DPP10: variants seen among roughly 807,000 people sequenced by gnomAD.
The protein encoded by DPP10 is inactive dipeptidyl peptidase 10.
Under a neutral mutation model 120.9 loss-of-function variants are expected in DPP10, and 33 were observed. That is an observed-to-expected ratio of 0.27 (90% CI 0.21 to 0.37). DPP10 has a LOEUF of 0.37. Among genes scored for constraint, DPP10 ranks in the 10% least tolerant of loss-of-function variants. DPP10 has a pLI of 1.00. For missense variants in DPP10, 816 were observed against 942.8 expected (o/e 0.87, Z 1.76); for synonymous variants, 337 against 326.1 (o/e 1.03, Z -0.36).
At chr2:114,695,661 T>G (rs1700028329) in intron 1 of DPP10, among the ~76,000 whole-genome samples, 2 of 152,092 alleles carry the variant, frequency 1.3e-5, no homozygotes, top group African/African-American at 4.8e-5. Context: ...AGCAATTCCC[T>G]TTTATCTTGC....
intron 3 of DPP10, among the ~76,000 whole-genome samples, chr2:115,486,875 C>T (rs1403927770): frequency 6.6e-6 from 1 of 152,062 alleles, no homozygotes; most frequent in African/African-American, 2.4e-5. Context: ...ATCAACTGCT[C>T]CATTATCTAG....
intron 5 of DPP10, among the ~76,000 whole-genome samples, chr2:115,633,679 A>G (rs1028640494): frequency 2.0e-5 from 3 of 152,282 alleles, no homozygotes; most frequent in Non-Finnish European, 2.9e-5. Context: ...TTCCCTTTAT[A>G]GGTGACCTGA....
intron 1 of DPP10, among the ~76,000 whole-genome samples, chr2:114,708,888 T>A (rs909035660): frequency 1.3e-5 from 2 of 152,184 alleles, no homozygotes; most frequent in African/African-American, 4.8e-5. Flanking sequence ...TCTGAACAGC[T>A]GGGACTACAG....
intron 1 of DPP10, among the ~76,000 whole-genome samples, chr2:114,841,676 T>A (rs1688169095): frequency 6.6e-6 from 1 of 152,114 alleles, no homozygotes. Flanking sequence ...GCAAGTTTTA[T>A]GGTAGACAGA....
At chr2:115,333,416 C>A (rs1390270766) in intron 2 of DPP10, among the ~76,000 whole-genome samples, 1 of 152,080 alleles carries the variant, frequency 6.6e-6, no homozygotes, top group Admixed American at 6.6e-5. Flanking sequence ...GCATTTGGCC[C>A]ATTTACATTT....
intron 1 of DPP10, among the ~76,000 whole-genome samples, chr2:115,190,155 T>C (rs535895037): frequency 1.3e-5 from 2 of 152,348 alleles, no homozygotes; most frequent in East Asian, 1.9e-4. Context: ...AATAAACCAC[T>C]GTTGGTAGTA....
In DPP10 at chr2:115,746,199, T is replaced by C; in HGVS notation, c.950+16T>C. ...TTAAATCAAGGTATGCAATTTCAAT[T>C]TCACTTTTATGGGGAAATAGATATT... On this transcript the variant is annotated intron_variant, in intron 10 of 25. Coordinates refer to ENST00000410059, the MANE Select transcript of DPP10 (RefSeq NM_020868.6). 1 of 1,586,154 alleles carries C rather than the reference T, an allele frequency of 6.3e-7. No homozygotes were observed. The highest frequency in any genetic ancestry group is 8.6e-7 in the Non-Finnish European group (1 of 1,157,116).
At chr2:114,522,692 A>T (rs184024659) in intron 1 of DPP10, among the ~76,000 whole-genome samples, 2 of 152,292 alleles carry the variant, frequency 1.3e-5, no homozygotes, top group Admixed American at 1.3e-4. Flanking sequence ...AGCTGCTGAT[A>T]AAGACATAAC....
intron 19 of DPP10, among the ~76,000 whole-genome samples, chr2:115,800,488 T>C (rs1685079724): frequency 6.6e-6 from 1 of 152,192 alleles, no homozygotes; most frequent in Non-Finnish European, 1.5e-5. Context: ...GCTTTTGGTA[T>C]TTTAGACATG....
At chr2:114,879,366 T>C (rs1672620281) in intron 1 of DPP10, among the ~76,000 whole-genome samples, 1 of 152,118 alleles carries the variant, frequency 6.6e-6, no homozygotes, top group South Asian at 2.1e-4. Flanking sequence ...TATCATCTCA[T>C]GAATATCCTA....
Position 115,121,845 on chromosome 2 carries a change from T to C in DPP10, c.61-187394T>C, listed in dbSNP as rs564473205. Among the ~76,000 whole-genome samples the C allele has an allele frequency of 5.3e-5, 8 of 152,300 alleles. No individual in the cohort carries two copies. In the East Asian group the frequency reaches 9.7e-4, roughly 18 times the overall value. On this transcript the variant is annotated intron_variant, in intron 1 of 25. Transcript: ENST00000410059. ...GAGGCTAATTTGAGTATTTCTTGTA[T>C]AGGGGCACTGGGTCCTGAGGCTGAC...
At chr2:115,289,680 C>A (rs1346491851) in intron 1 of DPP10, among the ~76,000 whole-genome samples, 2 of 151,868 alleles carry the variant, frequency 1.3e-5, no homozygotes, top group African/African-American at 4.8e-5. Context: ...AATAGAGAAC[C>A]CAGACATAAA....
At chr2:115,710,036 G>C (rs950577428) in intron 7 of DPP10, among the ~76,000 whole-genome samples, 9 of 152,036 alleles carry the variant, frequency 5.9e-5, no homozygotes, top group African/African-American at 2.2e-4. Flanking sequence ...AGTGAACAGA[G>C]ACACAACACA....
intron 1 of DPP10, among the ~76,000 whole-genome samples, chr2:114,629,103 C>T (rs17715987): frequency 0.028 from 4,293 of 152,188 alleles, 80 homozygotes; most frequent in Non-Finnish European, 0.044. Flanking sequence ...GTTTGGAATG[C>T]GCAGCCAAAT....
intron 1 of DPP10, among the ~76,000 whole-genome samples, chr2:115,154,503 T>C (rs1304172171): frequency 6.6e-6 from 1 of 152,196 alleles, no homozygotes; most frequent in Non-Finnish European, 1.5e-5. Context: ...ATATCAAGAC[T>C]ATGTAATTCC....
At chr2:114,723,837 T>C (rs1701866998) in intron 1 of DPP10, among the ~76,000 whole-genome samples, 1 of 149,338 alleles carries the variant, frequency 6.7e-6, no homozygotes, top group Non-Finnish European at 1.5e-5. Flanking sequence ...ATGTCATATC[T>C]AAATAAATAA....
Position 115,558,958 on chromosome 2 carries a change from G to A in DPP10, c.441+32986G>A, listed in dbSNP as rs540100272. On this transcript the variant is annotated intron_variant, in intron 5 of 25. Transcript: ENST00000410059. Reference sequence around the variant, plus strand: ...AGGTACTTTCTTATGCAAATGAATTGCCCGCAGTGAGCTAGTTTAGTTGAT... The same window carrying A: ...AGGTACTTTCTTATGCAAATGAATTACCCGCAGTGAGCTAGTTTAGTTGAT... Among the ~76,000 whole-genome samples, 48 of 152,254 alleles carry A rather than the reference G, an allele frequency of 3.2e-4. No individual in the cohort carries two copies. The South Asian group carries it at 1.0e-2, about 32-fold the overall frequency.
intron 8 of DPP10, among the ~76,000 whole-genome samples, chr2:115,728,474 A>C (rs2092821070): frequency 6.6e-6 from 1 of 152,174 alleles, no homozygotes; most frequent in Non-Finnish European, 1.5e-5. Flanking sequence ...TCAGGTGATG[A>C]AAATTTATCC....
At chr2:114,780,995 T>A (rs1234246886) in intron 1 of DPP10, among the ~76,000 whole-genome samples, 1 of 152,174 alleles carries the variant, frequency 6.6e-6, no homozygotes, top group African/African-American at 2.4e-5. Context: ...TACTAGGATA[T>A]AAGCTTCAAG....
Sources: allele counts gnomAD v4.1 joint callset (sites outside exome capture counted in the v4.1 genomes callset), GRCh38; gene constraint gnomAD v4.1.1; transcripts MANE v1.5; gene names NCBI Gene and HGNC (gene_info 2026-07-23, HGNC 2026-07-21).